The following UGT2B4 variants were observed in gnomAD, a reference collection of about 807,000 sequenced individuals.
UGT2B4 encodes the protein UDP glucuronosyltransferase family 2 member B4, also known as UDP-glucuronosyltransferase 2B4.
In UGT2B4, 49 loss-of-function variants were observed where a neutral mutation model predicts 49.8. The observed-to-expected ratio is 0.98, with a 90% CI of 0.78 to 1.25. UGT2B4 has a LOEUF of 1.25. Among genes scored for constraint, UGT2B4 ranks in the 50% most tolerant of loss-of-function variants. The pLI is 0.00. For synonymous variants in UGT2B4, 246 were observed against 217.7 expected (o/e 1.13, Z -1.14); for missense variants, 729 against 627.7 (o/e 1.16, Z -1.73).
rs770633892 is a variant in UGT2B4 at position 69,495,303 on chromosome 4, G to A, written c.559C>T (p.Leu187Phe). 2.5e-6 allele frequency: 4 copies of A among 1,613,280 alleles called. No individual in the cohort carries two copies. The highest frequency in any genetic ancestry group is 1.3e-5 in the African/African-American group (1 of 75,014). The change falls in exon 1 of 6, where the codon CTT (leucine) becomes TTT (phenylalanine). Residue 187 changes from leucine (L) to phenylalanine (F), a missense_variant. Leu to Phe is a conservative substitution (Grantham distance 22, BLOSUM62 0). Coordinates refer to ENST00000305107, the MANE Select transcript of UGT2B4 (RefSeq NM_021139.3). ...GYAIEKHSGG[L>F]LFPPSYVPVV... Reference sequence around the variant, plus strand: ...GGCACATAGGAAGGAGGGAACAGAAGTCCTCCACTATGCTTTTCAATTGCG... The same window carrying A: ...GGCACATAGGAAGGAGGGAACAGAAATCCTCCACTATGCTTTTCAATTGCG...
At chr4:69,516,798 G>A (rs1409965207) in intron 1 of UGT2B4, among the ~76,000 whole-genome samples, 1 of 151,818 alleles carries the variant, frequency 6.6e-6, no homozygotes, top group African/African-American at 2.4e-5. Context: ...AGTAGAGATG[G>A]GATTTTGCCA....
chr4:69,512,867 C>T (rs1400274189), intron 1 of UGT2B4, among the ~76,000 whole-genome samples: 1 of 151,960 alleles, frequency 6.6e-6, no homozygotes, highest in African/African-American at 2.4e-5. Context: ...CGTTTGTTGG[C>T]CCTATATATG....
chr4:69,502,089 CTCT>C (rs1560438977), intron 1 of UGT2B4, among the ~76,000 whole-genome samples: 14 of 84,054 alleles, frequency 1.7e-4, no homozygotes, highest in Non-Finnish European at 3.1e-4. Flanking sequence ...CTTTCTTTCT[CTCT>C]CTTTCTTTCT....
intron 1 of UGT2B4, among the ~76,000 whole-genome samples, chr4:69,509,898 G>T (rs571566086): frequency 6.6e-6 from 1 of 151,480 alleles, no homozygotes; most frequent in Non-Finnish European, 1.5e-5. Flanking sequence ...TGTTGTCTGT[G>T]CTTTTCAGAT....
At position 69,520,591 on chromosome 4, in the gene UGT2B4, G is replaced by A. The variant is rs558759452; in HGVS notation, c.-106+5096C>T. Among the ~76,000 whole-genome samples, 317 of 152,368 alleles carry A rather than the reference G, an allele frequency of 2.1e-3. 1 individual carries two copies. Among genetic ancestry groups the A allele is most frequent in the African/African-American group, 7.4e-3 (309 of 41,594 alleles). On this transcript the variant is annotated intron_variant, in intron 1 of 1. Coordinates refer to the UGT2B4 transcript ENST00000510114. ...TACTCCCGGAACCCAGTCTGGGGTA[G>A]AGCAAAGTTGTGTCCAAGCCTGGGC...
chr4:69,514,009 AT>A (rs77344785), intron 1 of UGT2B4, among the ~76,000 whole-genome samples: 56,440 of 150,366 alleles, frequency 0.38, 10,659 homozygotes, highest in Non-Finnish European at 0.4. Flanking sequence ...TTTTTTTTTA[AT>A]TTTTTTTTAT....
chr4:69,488,182 T>G (rs1727852016), intron 3 of UGT2B4, among the ~76,000 whole-genome samples: 1 of 152,202 alleles, frequency 6.6e-6, no homozygotes, highest in Non-Finnish European at 1.5e-5. Context: ...TTTGGATATT[T>G]TGTCAATGTA....
At chr4:69,501,615 A>G (rs189863447) in intron 1 of UGT2B4, among the ~76,000 whole-genome samples, 5 of 152,200 alleles carry the variant, frequency 3.3e-5, no homozygotes, top group Admixed American at 2.6e-4. Flanking sequence ...GCTCCTCATC[A>G]CTGGGTGGAG....
At chr4:69,491,195 A>C (rs1464590395) in intron 2 of UGT2B4, among the ~76,000 whole-genome samples, 1 of 151,902 alleles carries the variant, frequency 6.6e-6, no homozygotes, top group African/African-American at 2.4e-5. Flanking sequence ...CCTACAAAAA[A>C]CGTGTCAGCC....
intron 1 of UGT2B4, among the ~76,000 whole-genome samples, chr4:69,519,323 C>T (rs927495984): frequency 4.6e-4 from 70 of 152,068 alleles, no homozygotes; most frequent in African/African-American, 1.6e-3. Flanking sequence ...AGTATGTCAT[C>T]CAAATGGCCT....
intron 1 of UGT2B4, among the ~76,000 whole-genome samples, chr4:69,507,684 C>T (rs1347786179): frequency 1.3e-5 from 2 of 152,106 alleles, no homozygotes; most frequent in Non-Finnish European, 2.9e-5. Context: ...GGATCCCGTC[C>T]TTACACCATA....
chr4:69,490,325 A>G (rs1727943512), intron 2 of UGT2B4, among the ~76,000 whole-genome samples: 1 of 152,178 alleles, frequency 6.6e-6, no homozygotes, highest in Non-Finnish European at 1.5e-5. Context: ...TTTAAGTGGA[A>G]CAATTTTTCC....
intron 1 of UGT2B4, among the ~76,000 whole-genome samples, chr4:69,520,878 A>T (rs1248314494): frequency 6.6e-6 from 1 of 152,202 alleles, no homozygotes; most frequent in Non-Finnish European, 1.5e-5. Context: ...CCCATCTTCA[A>T]GCTAGGGGCA....
At chr4:69,494,928 C>T (rs1728100030) in intron 1 of UGT2B4, among the ~76,000 whole-genome samples, 1 of 152,040 alleles carries the variant, frequency 6.6e-6, no homozygotes, top group Non-Finnish European at 1.5e-5. Context: ...TTCCTGGAGT[C>T]TTCTGTATGA....
At chr4:69,521,261 G>A (rs1728843501) in intron 1 of UGT2B4, among the ~76,000 whole-genome samples, 1 of 152,198 alleles carries the variant, frequency 6.6e-6, no homozygotes, top group African/African-American at 2.4e-5. Flanking sequence ...CCTGAAACAT[G>A]TTCCCTACTT....
upstream of UGT2B4, among the ~76,000 whole-genome samples, chr4:69,500,602 CAAGGAAGAAAGAAAGAAAGAAAGA>C (rs1210523334): frequency 1.3e-4 from 6 of 47,294 alleles, no homozygotes; most frequent in Non-Finnish European, 2.5e-4. Context: ...AGCAAGAAAG[CAAGGAAGAAAGAAAGAAAGAAAGA>C]AAGAAAGAAA....
chr4:69,525,818 C>A, exon 1 of UGT2B4: 1 of 994,036 alleles, frequency 1.0e-6, no homozygotes, highest in Non-Finnish European at 1.3e-6. Context: ...GAAAGGGCTC[C>A]AGGCTGGGCG....
chr4:69,500,503 AGAAG>A (rs34150311), upstream of UGT2B4, among the ~76,000 whole-genome samples: 23,591 of 145,728 alleles, frequency 0.16, 2,305 homozygotes, highest in Non-Finnish European at 0.21. Flanking sequence ...CAAGAAAGAA[AGAAG>A]GAAGGAAGGA....
At chr4:69,511,172 T>C (rs1031621788) in intron 1 of UGT2B4, among the ~76,000 whole-genome samples, 2 of 151,884 alleles carry the variant, frequency 1.3e-5, no homozygotes, top group Non-Finnish European at 2.9e-5. Flanking sequence ...TGTGTTTTAG[T>C]AGAGATGGGA....
Sources: allele counts gnomAD v4.1 joint callset (sites outside exome capture counted in the v4.1 genomes callset), GRCh38; gene constraint gnomAD v4.1.1; transcripts MANE v1.5; gene names NCBI Gene and HGNC (gene_info 2026-07-23, HGNC 2026-07-21).